NXF1: variants seen among roughly 807,000 people sequenced by gnomAD.
NXF1 encodes nuclear RNA export factor 1, also known as mRNA export factor TAP.
NXF1 carries 43 observed loss-of-function variants against 92.4 expected under a neutral mutation model. That is an observed-to-expected ratio of 0.47 (90% confidence interval 0.36 to 0.60). The LOEUF (loss-of-function observed/expected upper bound fraction) is 0.60, where lower values mean the gene tolerates loss of function less well. NXF1 is among the 20% of genes least tolerant of loss of function. The pLI, the probability that NXF1 is intolerant of heterozygous loss-of-function variation, is 0.00. For missense variants in NXF1, 576 were observed against 793.0 expected (o/e 0.73, Z 3.29); for synonymous variants, 288 against 292.2 (o/e 0.99, Z 0.15).
chr11:62,800,658 C>T (rs1358173434), intron 9 of NXF1, among the ~76,000 whole-genome samples, 172 bp from the exon 10 acceptor site: 4 of 151,160 alleles, frequency 2.6e-5, no homozygotes, highest in Admixed American at 6.6e-5. Context: ...AGTTCAGTGC[C>T]GTGGCATGAT....
intron 10 of NXF1, chr11:62,798,991 C>G (rs1219670711): frequency 9.8e-7 from 1 of 1,016,404 alleles, no homozygotes. Context: ...GGCCAAGACC[C>G]AAACACACCA....
At position 62,792,263 on chromosome 11, in the gene NXF1, A is replaced by G. The variant is rs1214633200; in HGVS notation, c.*213T>C. 4.6e-5 allele frequency: 33 copies of G among 719,336 alleles called. No individual in the cohort carries two copies. The highest frequency in any genetic ancestry group is 6.9e-5 in the Non-Finnish European group (29 of 418,398). 44.6% of individuals were successfully genotyped at this position (719,336 alleles called of 1,614,324 possible). ...CTTCGGGTAGTTTAGTGTCAGTTCT[A>G]CAAAGTAAGCTTTGGCTTCCTGGCA... On this transcript the variant is annotated 3_prime_UTR_variant, in exon 21 of 21. Coordinates refer to ENST00000294172, the MANE Select transcript of NXF1 (RefSeq NM_006362.5).
At chr11:62,794,570 A>G in intron 18 of NXF1, 130 bp from the exon 19 acceptor site, 1 of 777,900 alleles carries the variant, frequency 1.3e-6, no homozygotes, top group Non-Finnish European at 2.1e-6. Flanking sequence ...ACCTTTTATC[A>G]TTTATCCCCT....
chr11:62,801,691 A>C (rs1331417386), intron 6 of NXF1, 48 bp downstream of exon 6: 1 of 1,608,148 alleles, frequency 6.2e-7, no homozygotes. Flanking sequence ...TGGGGGTGTG[A>C]GAAGTAGTAA....
intron 7 of NXF1, 42 bp downstream of exon 7, chr11:62,801,520 C>A (rs1565200963): frequency 6.2e-7 from 1 of 1,610,998 alleles, no homozygotes; most frequent in Non-Finnish European, 8.5e-7. Flanking sequence ...ACAGATCCCA[C>A]CTTATCACCA....
At position 62,797,143 on chromosome 11, in the gene NXF1, T is replaced by G. The variant is rs1278794820; in HGVS notation, c.1178+40A>C. On this transcript the variant is annotated intron_variant, in intron 13 of 20. Transcript: ENST00000294172. Reference sequence around the variant, plus strand: ...GCCTGGGTCTGCCCACCATTCCCCCTCAACCTCGGGGTGGGGAGGGGGGAC... The same window carrying G: ...GCCTGGGTCTGCCCACCATTCCCCCGCAACCTCGGGGTGGGGAGGGGGGAC... The G allele has an allele frequency of 1.7e-5, 27 of 1,568,744 alleles. No individual in the cohort carries two copies. In the East Asian group the frequency reaches 5.7e-4, roughly 33 times the overall value.
At position 62,792,326 on chromosome 11, in the gene NXF1, A is replaced by G; in HGVS notation, c.*150T>C. ...AATCTTCTGAAGTCTTCCAGAAGGCAGGCGAGGAGAGGGATCAGGCAGCCC... is the reference window on the plus strand; with the variant it reads ...AATCTTCTGAAGTCTTCCAGAAGGCGGGCGAGGAGAGGGATCAGGCAGCCC... On this transcript the variant is annotated 3_prime_UTR_variant, in exon 21 of 21. Coordinates refer to ENST00000294172, the MANE Select transcript of NXF1 (RefSeq NM_006362.5). 1 of 926,028 alleles carries G rather than the reference A, an allele frequency of 1.1e-6. No individual in the cohort carries two copies. Among genetic ancestry groups the G allele is most frequent in the Non-Finnish European group, 1.7e-6 (1 of 575,702 alleles). 57.4% of individuals were successfully genotyped at this position (926,028 alleles called of 1,614,324 possible). A position where few individuals can be genotyped will look rare whatever the true frequency, so the allele number is the denominator to read the frequency against.
At chr11:62,797,819 G>A (rs748590666) in intron 11 of NXF1, among the ~76,000 whole-genome samples, 93 of 152,144 alleles carry the variant, frequency 6.1e-4, no homozygotes, top group Non-Finnish European at 9.0e-4. Flanking sequence ...AAGTGTAAAC[G>A]CATCATGAAA....
Position 62,797,404 on chromosome 11 carries a change from A to G in NXF1, c.1054-18T>C. 1 of 1,611,046 alleles carries G rather than the reference A, an allele frequency of 6.2e-7. No homozygotes were observed. Among genetic ancestry groups the G allele is most frequent in the South Asian group, 1.1e-5 (1 of 90,918 alleles). Reference sequence around the variant, plus strand: ...TGGCCATCCTGTGGAAAGGAAGTAAAAGTTGACAGTGTAGACTGGGCCCAG... The same window carrying G: ...TGGCCATCCTGTGGAAAGGAAGTAAGAGTTGACAGTGTAGACTGGGCCCAG... On this transcript the variant is annotated intron_variant, in intron 11 of 20. Coordinates refer to ENST00000294172, the MANE Select transcript of NXF1 (RefSeq NM_006362.5).
Position 62,792,548 on chromosome 11 carries a change from T to G in NXF1, c.1822-34A>C, listed in dbSNP as rs369512908. On this transcript the variant is annotated intron_variant, in intron 20 of 20. Transcript: ENST00000294172. Reference sequence around the variant, plus strand: ...AAATGAAGGTCAGTAGAGGTAGGCCTACCCTCGCCACTCAGCAACCCCACT... The same window carrying G: ...AAATGAAGGTCAGTAGAGGTAGGCCGACCCTCGCCACTCAGCAACCCCACT... The G allele has an allele frequency of 8.1e-6, 13 of 1,614,032 alleles. No homozygotes were observed. The Admixed American group carries it at 8.3e-5, about 10-fold the overall frequency.
chr11:62,797,614 G>C (rs1003621209), intron 11 of NXF1, among the ~76,000 whole-genome samples: 1 of 152,152 alleles, frequency 6.6e-6, no homozygotes, highest in African/African-American at 2.4e-5. Flanking sequence ...GCTGAAGTGG[G>C]AGGATCACTT....
Position 62,803,499 on chromosome 11 carries a change from G to A in NXF1, c.289C>T (p.Arg97Trp). The change falls in exon 3 of 21, where the codon CGG (arginine) becomes TGG (tryptophan). Residue 97 changes from arginine (R) to tryptophan (W), a missense_variant. Physicochemically the swap from Arg to Trp is moderately radical, Grantham distance 101 (BLOSUM62 -3). Around this residue, in one of 2 missense-constraint regions of NXF1, gnomAD observed 151 missense variants for 157.8 expected, o/e 0.96. Coordinates refer to ENST00000294172, the MANE Select transcript of NXF1 (RefSeq NM_006362.5). ...HDRDRIHVTV[R>W]RDRAPPERGG... ...CTCTCTGGAGGAGCTCTGTCTCTCC[G>A]CACAGTAACATGAATGCGATCTCGA... The A allele has an allele frequency of 1.2e-6, 2 of 1,613,920 alleles. No homozygotes were observed. Among genetic ancestry groups the A allele is most frequent in the East Asian group, 2.2e-5 (1 of 44,870 alleles).
At chr11:62,799,325 TG>T in intron 10 of NXF1, 1 of 985,550 alleles carries the variant, frequency 1.0e-6, no homozygotes, top group South Asian at 4.7e-5. Flanking sequence ...CTGTGGTGAG[TG>T]GGCACTTGCT....
At position 62,802,233 on chromosome 11, in the gene NXF1, C is replaced by G; in HGVS notation, c.397G>C (p.Ala133Pro). 1 of 1,614,116 alleles carries G rather than the reference C, an allele frequency of 6.2e-7. No individual in the cohort carries two copies. The highest frequency in any genetic ancestry group is 8.5e-7 in the Non-Finnish European group (1 of 1,179,996). The change falls in exon 4 of 21, where the codon GCA becomes CCA. Residue 133 changes from alanine to proline, a missense_variant. This residue lies in a region of NXF1 where 425 missense variants were observed against 635.2 expected (regional missense o/e 0.67). Coordinates refer to ENST00000294172, the MANE Select transcript of NXF1 (RefSeq NM_006362.5). ...TIPYGRKYDK[A>P]WLLSMIQSKC... is the part of the protein sequence containing the mutation. Reference sequence around the variant, plus strand: ...CTCTGAATCATGCTCAGGAGCCATGCCTTGTCATACTTTCTGCCATAAGGA... The same window carrying G: ...CTCTGAATCATGCTCAGGAGCCATGGCTTGTCATACTTTCTGCCATAAGGA...
chr11:62,800,946 T>G, intron 9 of NXF1, 148 bp downstream of exon 9: 1 of 658,074 alleles, frequency 1.5e-6, no homozygotes, highest in South Asian at 1.8e-5. Context: ...GTGATCCTCC[T>G]GCCTTGGCCT....
intron 3 of NXF1, among the ~76,000 whole-genome samples, chr11:62,802,800 T>G (rs2084493580): frequency 6.6e-6 from 1 of 152,048 alleles, no homozygotes; most frequent in African/African-American, 2.4e-5. Context: ...TCCAAGATAT[T>G]ATTTACACCT....
In NXF1 at chr11:62,803,849, T is replaced by C. The variant is rs760779034; in HGVS notation, c.158A>G (p.Glu53Gly). 1.2e-6 allele frequency: 2 copies of C among 1,614,164 alleles called. No homozygotes were observed. The highest frequency in any genetic ancestry group is 1.7e-6 in the Non-Finnish European group (2 of 1,180,030). Residue 53 changes from glutamate to glycine, a missense_variant, in exon 2 of 21, where the codon GAG becomes GGG. By Grantham distance (98) the Glu-to-Gly change is moderately conservative. Around this residue, in one of 2 missense-constraint regions of NXF1, gnomAD observed 151 missense variants for 157.8 expected, o/e 0.96. Coordinates refer to ENST00000294172, the MANE Select transcript of NXF1 (RefSeq NM_006362.5). Reference protein sequence around the residue: ...GGSGIRSSRLEEDDGDVAMSD... With the variant: ...GGSGIRSSRLGEDDGDVAMSD... ...CATTGCCACATCTCCATCATCTTCC[T>C]CAAGGCGGGAAGACCGAATACCAGA...
rs780115078 is a variant in NXF1, at chr11:62,794,992, C to T, written c.1520G>A (p.Arg507Gln). 3.1e-6 allele frequency: 5 copies of T among 1,614,048 alleles called. No individual in the cohort carries two copies. The highest frequency in any genetic ancestry group is 2.2e-5 in the East Asian group (1 of 44,898). Residue 507 changes from arginine (R) to glutamine (Q), a missense_variant, in exon 18 of 21, where the codon CGG becomes CAG. Transcript: ENST00000294172. ...GVFKEVDGKSRDSLRAFTRTF... is the reference protein window; with the variant it reads ...GVFKEVDGKSQDSLRAFTRTF... The stretch of plus-strand genomic sequence containing the variant: ...CCGGGTGAAGGCTCGCAAAGAATCC[C>T]GGGACTTTCCGTCCACTGCAATAAG...
At position 62,792,309 on chromosome 11, in the gene NXF1, G is replaced by T. The variant is rs1479740976; in HGVS notation, c.*167C>A. 5 of 850,418 alleles carry T rather than the reference G, an allele frequency of 5.9e-6. No individual in the cohort carries two copies. Among genetic ancestry groups the T allele is most frequent in the Non-Finnish European group, 9.7e-6 (5 of 516,834 alleles). 52.7% of individuals were successfully genotyped at this position (850,418 alleles called of 1,614,324 possible). ...TGGCACCAGTGAGGCTCAATCTTCTGAAGTCTTCCAGAAGGCAGGCGAGGA... is the reference window on the plus strand; with the variant it reads ...TGGCACCAGTGAGGCTCAATCTTCTTAAGTCTTCCAGAAGGCAGGCGAGGA... On this transcript the variant is annotated 3_prime_UTR_variant, in exon 21 of 21. Coordinates refer to ENST00000294172, the MANE Select transcript of NXF1 (RefSeq NM_006362.5).
Sources: allele counts gnomAD v4.1 joint callset (sites outside exome capture counted in the v4.1 genomes callset), GRCh38; gene constraint gnomAD v4.1.1; regional missense constraint gnomAD v4.1.1; transcripts MANE v1.5; gene names NCBI Gene and HGNC (gene_info 2026-07-23, HGNC 2026-07-21).